Variants in RASSF3 observed in about 807,000 individuals in gnomAD.
RASSF3 encodes the protein ras association domain-containing protein 3.
A neutral mutation model predicts 19.9 loss-of-function variants in RASSF3; 19 were observed. The ratio of observed to expected loss-of-function variants is 0.96; its 90% CI spans 0.67 to 1.40. The LOEUF (loss-of-function observed/expected upper bound fraction) is 1.40. Among genes scored for constraint, RASSF3 ranks in the 40% most tolerant of loss-of-function variants. RASSF3 has a pLI of 0.00. For missense variants in RASSF3, 306 were observed against 289.8 expected, an observed-to-expected ratio of 1.06 and a Z score of -0.41; for synonymous variants, 110 against 104.2, an observed-to-expected ratio of 1.06 and a Z score of -0.34.
At chr12:64,587,197 G>A (rs1374186549) in intron 2 of RASSF3, among the ~76,000 whole-genome samples, 2 of 151,498 alleles carry the variant, frequency 1.3e-5, no homozygotes, top group East Asian at 4.0e-4. Context: ...TGGGATTACA[G>A]GCATGCACCA....
intron 1 of RASSF3, among the ~76,000 whole-genome samples, chr12:64,632,536 T>G (rs1279470775): frequency 6.6e-6 from 1 of 151,928 alleles, no homozygotes; most frequent in African/African-American, 2.4e-5. Flanking sequence ...CTCCAGAAAT[T>G]GAGTTGTCAC....
intron 1 of RASSF3, among the ~76,000 whole-genome samples, chr12:64,640,177 A>T (rs1871465021): frequency 6.6e-6 from 1 of 152,174 alleles, no homozygotes; most frequent in African/African-American, 2.4e-5. Context: ...TAATTGATAT[A>T]CCAGAAACCT....
intron 2 of RASSF3, among the ~76,000 whole-genome samples, chr12:64,594,377 C>A (rs1869968002): frequency 6.6e-6 from 1 of 152,120 alleles, no homozygotes; most frequent in Non-Finnish European, 1.5e-5. Context: ...TAGCCTAGTA[C>A]TTTCAAACCT....
intron 2 of RASSF3, among the ~76,000 whole-genome samples, chr12:64,599,543 T>C (rs1367408135): frequency 6.6e-6 from 1 of 152,186 alleles, no homozygotes; most frequent in African/African-American, 2.4e-5. Context: ...GAAACCCTTG[T>C]GGTTTCCTCT....
chr12:64,688,673 A>G (rs992450807), intron 3 of RASSF3, among the ~76,000 whole-genome samples: 1 of 151,754 alleles, frequency 6.6e-6, no homozygotes, highest in Non-Finnish European at 1.5e-5. Context: ...GGAAGCATCC[A>G]TATGTGATTG....
At chr12:64,662,289 C>T (rs1020184464) in intron 1 of RASSF3, among the ~76,000 whole-genome samples, 20 of 150,774 alleles carry the variant, frequency 1.3e-4, no homozygotes, top group Non-Finnish European at 2.4e-4. Flanking sequence ...GGCCTGGTGG[C>T]GCTTGCCTGT....
intron 2 of RASSF3, among the ~76,000 whole-genome samples, chr12:64,589,489 A>G (rs902741555): frequency 6.6e-6 from 1 of 152,216 alleles, no homozygotes; most frequent in Non-Finnish European, 1.5e-5. Context: ...ATAATCAAAT[A>G]GTTAAAGATG....
intron 1 of RASSF3, among the ~76,000 whole-genome samples, chr12:64,661,783 A>G (rs900508745): frequency 2.1e-4 from 31 of 149,104 alleles, no homozygotes; most frequent in African/African-American, 7.2e-4. Flanking sequence ...CTGGGTTCAA[A>G]CAATTTTCCT....
Position 64,592,086 on chromosome 12 carries a change from A to G in RASSF3, c.294+50381A>G, listed in dbSNP as rs532232892. 2.5e-3 allele frequency among the ~76,000 whole-genome samples: 384 copies of G among 152,204 alleles called. 2 individuals carry two copies. Among genetic ancestry groups the G allele is most frequent in the Non-Finnish European group, 4.7e-3 (319 of 68,004 alleles). ...TGGCTAATTTTTGTAATTTTTGTAA[A>G]GAGGAGGTTTCACCATGTTGCCCAG... On this transcript the variant is annotated intron_variant, in intron 2 of 5. Transcript: ENST00000637125.
chr12:64,696,695 G>C lies in RASSF3; in HGVS notation c.*1783G>C, dbSNP rs895062606. ...GGAGGCAGACTTAAGTTGTTATGCTGTGCCACACAATTTACTGAGACAATC... is the reference window on the plus strand; with the variant it reads ...GGAGGCAGACTTAAGTTGTTATGCTCTGCCACACAATTTACTGAGACAATC... On this transcript the variant is annotated 3_prime_UTR_variant, in exon 5 of 5. Coordinates refer to ENST00000542104, the MANE Select transcript of RASSF3 (RefSeq NM_178169.4). The C allele has an allele frequency of 2.0e-5, 3 of 151,984 alleles. No individual in the cohort carries two copies. Among genetic ancestry groups the C allele is most frequent in the African/African-American group, 7.3e-5 (3 of 41,346 alleles). 9.4% of individuals were successfully genotyped at this position (151,984 alleles called of 1,614,324 possible). A position where few individuals can be genotyped will look rare whatever the true frequency, so the allele number is the denominator to read the frequency against.
In RASSF3 at chr12:64,574,830, C is replaced by T. The variant is rs140674972; in HGVS notation, c.294+33125C>T. On this transcript the variant is annotated intron_variant, in intron 2 of 5. Transcript: ENST00000637125. ...ATCTAGCTAAGCATAGCCCAGATCA[C>T]CTGATTGCCACATATGTGTAAGACA... Among the ~76,000 whole-genome samples, 293 of 152,310 alleles carry T rather than the reference C, an allele frequency of 1.9e-3. 3 individuals are homozygous for T. Among genetic ancestry groups the T allele is most frequent in the Middle Eastern group, 0.017 (5 of 294 alleles).
intron 2 of RASSF3, among the ~76,000 whole-genome samples, chr12:64,564,388 C>CT (rs34096060): frequency 0.5 from 74,796 of 148,536 alleles, 21,193 homozygotes; most frequent in Non-Finnish European, 0.65. Flanking sequence ...TCTTTTCTTT[C>CT]TTTTTTTTTT....
chr12:64,567,750 G>A (rs1018870011), intron 2 of RASSF3, among the ~76,000 whole-genome samples: 2 of 152,252 alleles, frequency 1.3e-5, no homozygotes, highest in African/African-American at 4.8e-5. Context: ...CGCACTGATG[G>A]AGCTACTGGC....
At chr12:64,582,754 A>T (rs1869725450) in intron 2 of RASSF3, among the ~76,000 whole-genome samples, 1 of 152,136 alleles carries the variant, frequency 6.6e-6, no homozygotes, top group Non-Finnish European at 1.5e-5. Flanking sequence ...GAAGAATCAG[A>T]CCTGGAGTCT....
downstream of RASSF3, among the ~76,000 whole-genome samples, chr12:64,545,675 C>G (rs1381732628): frequency 1.3e-5 from 2 of 152,182 alleles, no homozygotes; most frequent in Non-Finnish European, 2.9e-5. Context: ...TGCCTGTAAT[C>G]CCAGCACTTC....
chr12:64,626,548 G>T (rs577097270), intron 1 of RASSF3, among the ~76,000 whole-genome samples: 1 of 150,794 alleles, frequency 6.6e-6, no homozygotes, highest in Non-Finnish European at 1.5e-5. Context: ...AATGGTATTA[G>T]AATTGTTTTA....
At chr12:64,608,259 T>C (rs1200536983), upstream of RASSF3, among the ~76,000 whole-genome samples, 1 of 152,106 alleles carries the variant, frequency 6.6e-6, no homozygotes, top group Non-Finnish European at 1.5e-5. Context: ...AATCCAGTCC[T>C]TTGGAGCTTA....
At chr12:64,653,508 T>C (rs555462933) in intron 1 of RASSF3, among the ~76,000 whole-genome samples, 3 of 152,266 alleles carry the variant, frequency 2.0e-5, no homozygotes, top group South Asian at 2.1e-4. Flanking sequence ...TTCTGAGTTA[T>C]TGGGAGTTAG....
At chr12:64,553,852 T>C (rs1869206246) in intron 2 of RASSF3, among the ~76,000 whole-genome samples, 1 of 151,934 alleles carries the variant, frequency 6.6e-6, no homozygotes. Flanking sequence ...TGGCATGTAC[T>C]TGTAATCTTA....
Sources: allele counts gnomAD v4.1 joint callset (sites outside exome capture counted in the v4.1 genomes callset), GRCh38; gene constraint gnomAD v4.1.1; transcripts MANE v1.5; gene names NCBI Gene and HGNC (gene_info 2026-07-23, HGNC 2026-07-21).